Variants in MICU1 observed in about 807,000 individuals in gnomAD.
MICU1 encodes mitochondrial calcium uptake 1.
In MICU1, 45 loss-of-function variants were observed where a neutral mutation model predicts 56.8. The observed-to-expected ratio is 0.79, with a 90% CI of 0.62 to 1.02. MICU1 has a LOEUF of 1.02. Among genes scored for constraint, MICU1 ranks in the 50% least tolerant of loss-of-function variants. The pLI is 0.00. For missense variants in MICU1, 504 were observed against 587.1 expected, an observed-to-expected ratio of 0.86 and a Z score of 1.46; for synonymous variants, 186 against 195.1, an observed-to-expected ratio of 0.95 and a Z score of 0.39.
chr10:72,571,164 G>C (rs769865761), intron 1 of MICU1, among the ~76,000 whole-genome samples: 56 of 152,174 alleles, frequency 3.7e-4, no homozygotes, highest in Non-Finnish European at 7.3e-4. Context: ...AGGAGTTCGA[G>C]ACCAGCCTGG....
At chr10:72,424,354 C>T (rs949943736) in intron 8 of MICU1, among the ~76,000 whole-genome samples, 3 of 152,192 alleles carry the variant, frequency 2.0e-5, no homozygotes, top group Non-Finnish European at 4.4e-5. Flanking sequence ...CTCAGGTGAT[C>T]CACTGGCCTC....
At chr10:72,594,508 G>T (rs1374589920) in intron 1 of MICU1, among the ~76,000 whole-genome samples, 1 of 151,942 alleles carries the variant, frequency 6.6e-6, no homozygotes, top group Non-Finnish European at 1.5e-5. Flanking sequence ...GATTTCTTTG[G>T]ATATGATTCC....
intron 8 of MICU1, among the ~76,000 whole-genome samples, chr10:72,472,263 G>A (rs148576127): frequency 1.1e-4 from 17 of 152,272 alleles, no homozygotes; most frequent in African/African-American, 2.9e-4. Context: ...AAAGGAAAAC[G>A]TCGCTAACTA....
chr10:72,502,202 T>C (rs1237249956), intron 6 of MICU1, among the ~76,000 whole-genome samples: 2 of 150,752 alleles, frequency 1.3e-5, no homozygotes, highest in African/African-American at 2.4e-5. Flanking sequence ...TCTTCCAGGC[T>C]GGAGTGCAGT....
chr10:72,497,752 A>T (rs1015629127), intron 6 of MICU1, among the ~76,000 whole-genome samples: 2 of 152,202 alleles, frequency 1.3e-5, no homozygotes, highest in African/African-American at 4.8e-5. Context: ...AGAAAGGCCC[A>T]CTGAGGTCCA....
At chr10:72,593,882 T>C (rs1841297811) in intron 1 of MICU1, among the ~76,000 whole-genome samples, 1 of 152,082 alleles carries the variant, frequency 6.6e-6, no homozygotes, top group African/African-American at 2.4e-5. Context: ...TAGGAATAAG[T>C]AGAAACATAC....
At chr10:72,496,697 A>G (rs1866856515) in intron 6 of MICU1, among the ~76,000 whole-genome samples, 1 of 152,086 alleles carries the variant, frequency 6.6e-6, no homozygotes, top group Non-Finnish European at 1.5e-5. Context: ...TGGCCTCCCA[A>G]AGTGCTGGGA....
At chr10:72,615,543 C>G (rs1262242911) in intron 1 of MICU1, among the ~76,000 whole-genome samples, 2 of 152,118 alleles carry the variant, frequency 1.3e-5, no homozygotes, top group Admixed American at 6.6e-5. Flanking sequence ...AGATTATTTT[C>G]TATATTTCAT....
chr10:72,453,077 C>T (rs1007878572), intron 8 of MICU1, among the ~76,000 whole-genome samples: 1 of 152,134 alleles, frequency 6.6e-6, no homozygotes, highest in Non-Finnish European at 1.5e-5. Flanking sequence ...ATGTGATTAG[C>T]TTTAGGGAAT....
chr10:72,402,386 A>G (rs567796304), intron 10 of MICU1, among the ~76,000 whole-genome samples: 4 of 152,178 alleles, frequency 2.6e-5, no homozygotes, highest in African/African-American at 4.8e-5. Context: ...TGTATACACA[A>G]TCAATAGCTT....
rs148737546 is a variant in MICU1, at chr10:72,595,707, GT to G, written c.-1-28914del. Among the ~76,000 whole-genome samples the G allele has an allele frequency of 9.1e-3, 1,391 of 152,236 alleles. 27 individuals are homozygous for G. Among genetic ancestry groups the G allele is most frequent in the African/African-American group, 0.031 (1,291 of 41,540 alleles). ...CTTTTTGCTATCTTTAAGTAAACCT[GT>G]GAAGCATGCCACAAAGGTCTGGACA... On this transcript the variant is annotated intron_variant, in intron 1 of 11. Transcript: ENST00000361114.
In MICU1 at chr10:72,509,400, C is replaced by CT. The variant is rs766473471; in HGVS notation, c.538-1132dup. ...TACACAACTATCCAATGGGTTACCT[C>CT]TGTCTAGTGGAGATCCCATCATAAA... On this transcript the variant is annotated intron_variant, in intron 5 of 11. Coordinates refer to ENST00000361114, the MANE Select transcript of MICU1 (RefSeq NM_001195518.2). The CT allele has an allele frequency of 9.7e-6, 13 of 1,334,176 alleles. No individual in the cohort carries two copies. Among genetic ancestry groups the CT allele is most frequent in the Non-Finnish European group, 1.3e-5 (13 of 1,012,146 alleles). 82.6% of individuals were successfully genotyped at this position (1,334,176 alleles called of 1,614,324 possible). A position where few individuals can be genotyped will look rare whatever the true frequency, so the allele number is the denominator to read the frequency against.
At chr10:72,579,844 T>C (rs1474990468) in intron 1 of MICU1, among the ~76,000 whole-genome samples, 2 of 152,052 alleles carry the variant, frequency 1.3e-5, no homozygotes, top group Non-Finnish European at 2.9e-5. Context: ...AGGCTATATG[T>C]ATAAGGTGCA....
At chr10:72,569,297 T>C (rs1192406915) in intron 1 of MICU1, among the ~76,000 whole-genome samples, 4 of 137,652 alleles carry the variant, frequency 2.9e-5, no homozygotes, top group Non-Finnish European at 6.2e-5. Flanking sequence ...TGTGGTGGCA[T>C]GATCTCAGTT....
intron 3 of MICU1, among the ~76,000 whole-genome samples, chr10:72,553,513 G>GT (rs1159971296): frequency 6.6e-6 from 1 of 152,056 alleles, no homozygotes; most frequent in Admixed American, 6.5e-5. Context: ...GATTACAGGC[G>GT]TGAGCCACTG....
chr10:72,434,630 G>A (rs1399821949), intron 8 of MICU1, among the ~76,000 whole-genome samples: 1 of 152,182 alleles, frequency 6.6e-6, no homozygotes, highest in Non-Finnish European at 1.5e-5. Flanking sequence ...TTTGGAAACA[G>A]AGAGACTGTC....
intron 5 of MICU1, 24 bp from the exon 6 acceptor site, chr10:72,508,293 A>G (rs1374189977): frequency 1.9e-6 from 2 of 1,058,828 alleles, no homozygotes; most frequent in Non-Finnish European, 2.7e-6. Context: ...GGGTCCCACC[A>G]AAAGACAAAA....
chr10:72,420,381 T>C (rs139885707), intron 9 of MICU1, among the ~76,000 whole-genome samples: 1 of 152,236 alleles, frequency 6.6e-6, no homozygotes, highest in Non-Finnish European at 1.5e-5. Context: ...TCTTTTCTTC[T>C]CCTTTGCCTT....
At chr10:72,592,072 C>T (rs1841242601) in intron 1 of MICU1, among the ~76,000 whole-genome samples, 1 of 149,700 alleles carries the variant, frequency 6.7e-6, no homozygotes, top group African/African-American at 2.5e-5. Flanking sequence ...TGCAGTGGCC[C>T]GATCCTGGCT....
Sources: gnomAD v4.1 joint callset for allele counts (sites outside exome capture counted in the v4.1 genomes callset) on GRCh38, gnomAD v4.1.1 for gene constraint, MANE v1.5 for transcripts, NCBI Gene and HGNC (gene_info 2026-07-23, HGNC 2026-07-21) for gene names.